PTPRM: variants seen among roughly 807,000 people sequenced by gnomAD.
PTPRM encodes the protein receptor-type tyrosine-protein phosphatase mu.
Under a neutral mutation model 186.7 loss-of-function variants are expected in PTPRM, and 47 were observed. The observed-to-expected ratio is 0.25, with a 90% confidence interval of 0.20 to 0.32. The LOEUF (loss-of-function observed/expected upper bound fraction) is 0.32, where lower values mean the gene tolerates loss of function less well. Ranked by LOEUF, PTPRM falls within the 10% of genes least tolerant of loss-of-function variation. The pLI is 1.00. For missense variants in PTPRM, 1,494 were observed against 1,865.0 expected (o/e 0.80, Z 3.66); for synonymous variants, 668 against 674.9 (o/e 0.99, Z 0.16).
intron 19 of PTPRM, among the ~76,000 whole-genome samples, chr18:8,263,204 G>C (rs1258019219): frequency 6.6e-6 from 1 of 152,052 alleles, no homozygotes; most frequent in Non-Finnish European, 1.5e-5. Flanking sequence ...CATCTGCCGG[G>C]TTCAAGAGAT....
At chr18:8,146,439 G>A (rs2092888468) in intron 14 of PTPRM, among the ~76,000 whole-genome samples, 1 of 151,810 alleles carries the variant, frequency 6.6e-6, no homozygotes, top group Admixed American at 6.6e-5. Context: ...TTGGTTGGCT[G>A]CATAAATGTC....
intron 1 of PTPRM, among the ~76,000 whole-genome samples, chr18:7,651,302 A>G (rs374707738): frequency 6.6e-6 from 1 of 152,126 alleles, no homozygotes; most frequent in Admixed American, 6.6e-5. Context: ...GAAAGAAAAC[A>G]TTGCTAAACT....
intron 7 of PTPRM, among the ~76,000 whole-genome samples, chr18:8,012,642 A>G (rs900391235): frequency 1.3e-5 from 2 of 152,236 alleles, no homozygotes; most frequent in Non-Finnish European, 2.9e-5. Context: ...AATGGTAAGT[A>G]TCTGTGTATC....
chr18:8,240,651 GAGAAAGAAAGAAAGAAAGAA>G (rs761192602), intron 14 of PTPRM, among the ~76,000 whole-genome samples: 7 of 33,836 alleles, frequency 2.1e-4, no homozygotes, highest in African/African-American at 7.2e-4. Context: ...GAGAGAGAGA[GAGAAAGAAAGAAAGAAAGAA>G]AGAAAGAAAA....
chr18:8,041,046 C>T (rs1027973118), intron 7 of PTPRM, among the ~76,000 whole-genome samples: 9 of 152,210 alleles, frequency 5.9e-5, no homozygotes, highest in African/African-American at 1.9e-4. Context: ...GGAATTAATG[C>T]AGTTTGTCAG....
At chr18:8,036,532 T>C (rs2086341799) in intron 7 of PTPRM, among the ~76,000 whole-genome samples, 1 of 152,216 alleles carries the variant, frequency 6.6e-6, no homozygotes, top group African/African-American at 2.4e-5. Flanking sequence ...GGTAAATTGA[T>C]AGTACTTTGT....
At chr18:8,125,337 C>T (rs538722322) in intron 13 of PTPRM, among the ~76,000 whole-genome samples, 61 of 152,128 alleles carry the variant, frequency 4.0e-4, no homozygotes, top group African/African-American at 1.3e-3. Flanking sequence ...CCTGTCATTG[C>T]ACTAGGGAGT....
intron 11 of PTPRM, among the ~76,000 whole-genome samples, chr18:8,090,582 A>G (rs912795292): frequency 2.0e-5 from 3 of 152,060 alleles, no homozygotes; most frequent in African/African-American, 7.2e-5. Context: ...AGATCTTTCC[A>G]AGACCAAGTT....
chr18:7,581,357 C>T (rs2036840864), intron 1 of PTPRM, among the ~76,000 whole-genome samples: 1 of 151,864 alleles, frequency 6.6e-6, no homozygotes, highest in Non-Finnish European at 1.5e-5. Flanking sequence ...TGATTGGGCT[C>T]CAAGAAAAAA....
intron 5 of PTPRM, among the ~76,000 whole-genome samples, chr18:7,943,185 C>T (rs905219805): frequency 1.3e-5 from 2 of 152,148 alleles, no homozygotes; most frequent in African/African-American, 4.8e-5. Context: ...TTCTGATTTT[C>T]TGTCTTCACA....
intron 2 of PTPRM, among the ~76,000 whole-genome samples, chr18:7,871,117 A>G (rs1477309134): frequency 6.6e-6 from 1 of 152,226 alleles, no homozygotes; most frequent in Non-Finnish European, 1.5e-5. Context: ...AGAAAGCCAT[A>G]ATGTGATTCC....
At chr18:7,719,690 A>G (rs2040410712) in intron 1 of PTPRM, among the ~76,000 whole-genome samples, 1 of 152,204 alleles carries the variant, frequency 6.6e-6, no homozygotes, top group Admixed American at 6.5e-5. Context: ...AAGTTTCCAA[A>G]CAAGGCAAGG....
In PTPRM at chr18:8,085,594, A is replaced by G. The variant is rs75948370; in HGVS notation, c.1552-77A>G. The stretch of plus-strand genomic sequence containing the variant: ...TAAAGTGTCTGACAGTGCATACATC[A>G]GAAGGGTTTATTGGATAAAGATGCA... On this transcript the variant is annotated intron_variant, in intron 9 of 32. Coordinates refer to ENST00000580170, the MANE Select transcript of PTPRM (RefSeq NM_001105244.2). 817 of 1,272,556 alleles carry G rather than the reference A, an allele frequency of 6.4e-4. 4 individuals carry two copies. The African/African-American group carries it at 0.011, about 17-fold the overall frequency. 78.8% of individuals were successfully genotyped at this position (1,272,556 alleles called of 1,614,324 possible). A position where few individuals can be genotyped will look rare whatever the true frequency, so the allele number is the denominator to read the frequency against.
chr18:8,219,945 G>C (rs570700401), intron 14 of PTPRM, among the ~76,000 whole-genome samples: 1 of 152,162 alleles, frequency 6.6e-6, no homozygotes, highest in African/African-American at 2.4e-5. Flanking sequence ...TAACATTAAT[G>C]CTGGTCAATT....
At chr18:7,898,181 C>G (rs535511435) in intron 3 of PTPRM, among the ~76,000 whole-genome samples, 1 of 152,272 alleles carries the variant, frequency 6.6e-6, no homozygotes, top group Non-Finnish European at 1.5e-5. Context: ...TCATTTGACA[C>G]AAACAAGATA....
chr18:8,102,323 G>T (rs1191452795), intron 11 of PTPRM, among the ~76,000 whole-genome samples: 1 of 152,192 alleles, frequency 6.6e-6, no homozygotes, highest in Non-Finnish European at 1.5e-5. Flanking sequence ...TTTCGCAAAA[G>T]ATTTCTCTAT....
chr18:7,595,913 C>T (rs1201547460), intron 1 of PTPRM, among the ~76,000 whole-genome samples: 1 of 152,162 alleles, frequency 6.6e-6, no homozygotes, highest in Non-Finnish European at 1.5e-5. Context: ...ACATTGTACC[C>T]ATTTATATCC....
At chr18:8,386,553 A>G (rs904621672) in intron 30 of PTPRM, among the ~76,000 whole-genome samples, 3 of 152,342 alleles carry the variant, frequency 2.0e-5, no homozygotes, top group African/African-American at 7.2e-5. Context: ...ATCATAAGCT[A>G]AGTAACACTT....
chr18:8,367,576 G>A (rs939678284), intron 23 of PTPRM, among the ~76,000 whole-genome samples: 2 of 152,270 alleles, frequency 1.3e-5, no homozygotes, highest in African/African-American at 4.8e-5. Flanking sequence ...CCGACGCGCG[G>A]GGGCGCCCGG....
Sources: allele counts gnomAD v4.1 joint callset (sites outside exome capture counted in the v4.1 genomes callset), GRCh38; gene constraint gnomAD v4.1.1; transcripts MANE v1.5; gene names NCBI Gene and HGNC (gene_info 2026-07-23, HGNC 2026-07-21).